Variants in CACNA2D3 observed in about 807,000 individuals in gnomAD.
CACNA2D3 encodes the protein calcium voltage-gated channel auxiliary subunit alpha2delta 3.
Under a neutral mutation model 160.6 loss-of-function variants are expected in CACNA2D3, and 60 were observed. The observed-to-expected ratio is 0.37, with a 90% CI of 0.30 to 0.46. The LOEUF (loss-of-function observed/expected upper bound fraction) is 0.46. Among genes scored for constraint, CACNA2D3 ranks in the 20% least tolerant of loss-of-function variants. The probability of loss-of-function intolerance (pLI) is 1.00; values close to 1 mark genes in which losing one functional copy is unlikely to be tolerated. For synonymous variants in CACNA2D3, 558 were observed against 492.9 expected (o/e 1.13, Z -1.75); for missense variants, 1,205 against 1,365.0 (o/e 0.88, Z 1.85).
intron 2 of CACNA2D3, among the ~76,000 whole-genome samples, chr3:54,179,774 G>A (rs1451651855): frequency 6.6e-6 from 1 of 152,166 alleles, no homozygotes; most frequent in Non-Finnish European, 1.5e-5. Flanking sequence ...TGAGAAGGTG[G>A]CTATCTACAA....
intron 27 of CACNA2D3, among the ~76,000 whole-genome samples, chr3:54,925,388 T>C (rs771164784): frequency 3.3e-5 from 5 of 152,130 alleles, no homozygotes; most frequent in Non-Finnish European, 5.9e-5. Context: ...CTGGTCAGAG[T>C]ACATCCCCAG....
At chr3:54,284,964 C>T (rs561022052) in intron 2 of CACNA2D3, among the ~76,000 whole-genome samples, 30 of 152,184 alleles carry the variant, frequency 2.0e-4, no homozygotes, top group Admixed American at 2.0e-4. Flanking sequence ...CGAAGATGGC[C>T]GAATAGGAAC....
At chr3:54,448,650 T>G (rs981590245) in intron 4 of CACNA2D3, among the ~76,000 whole-genome samples, 4 of 152,186 alleles carry the variant, frequency 2.6e-5, no homozygotes, top group African/African-American at 9.7e-5. Context: ...CATGTTCTCA[T>G]TAGTGTCCTA....
chr3:54,542,854 A>G (rs1702002766), intron 5 of CACNA2D3, among the ~76,000 whole-genome samples: 1 of 152,186 alleles, frequency 6.6e-6, no homozygotes, highest in African/African-American at 2.4e-5. Flanking sequence ...TTGACACTCA[A>G]TATTAAGGAA....
chr3:54,382,926 C>T (rs1699127919), intron 3 of CACNA2D3, among the ~76,000 whole-genome samples: 1 of 152,180 alleles, frequency 6.6e-6, no homozygotes, highest in African/African-American at 2.4e-5. Flanking sequence ...TGGCTCACTG[C>T]AGCCTCTGCC....
intron 11 of CACNA2D3, among the ~76,000 whole-genome samples, chr3:54,733,600 T>C (rs1701436050): frequency 6.6e-6 from 1 of 152,170 alleles, no homozygotes; most frequent in African/African-American, 2.4e-5. Context: ...TCACATTCAT[T>C]TACAGAGAGA....
At chr3:54,880,965 G>T in intron 21 of CACNA2D3, 102 bp downstream of exon 21, 1 of 940,162 alleles carries the variant, frequency 1.1e-6, no homozygotes, top group Non-Finnish European at 1.8e-6. Context: ...CCGCACCTGT[G>T]ACCAGTCCCT....
chr3:54,523,868 G>A (rs745624605), intron 5 of CACNA2D3, among the ~76,000 whole-genome samples: 9 of 151,714 alleles, frequency 5.9e-5, no homozygotes, highest in Non-Finnish European at 1.3e-4. Context: ...TTCAGATTCT[G>A]GTAATTTGAG....
rs151181900 is a variant in CACNA2D3, at chr3:54,443,508, A to G, written c.381+56734A>G. Among the ~76,000 whole-genome samples, 1,071 of 152,282 alleles carry G rather than the reference A, an allele frequency of 7.0e-3. 5 individuals are homozygous for G. Among genetic ancestry groups the G allele is most frequent in the Non-Finnish European group, 0.012 (797 of 68,014 alleles). On this transcript the variant is annotated intron_variant, in intron 4 of 37. Coordinates refer to ENST00000474759, the MANE Select transcript of CACNA2D3 (RefSeq NM_018398.3). ...GCTGTTAATTCTTTTGGGCTTCTTC[A>G]CTAGGAAGAATTAGAGAGTTGGCAG...
chr3:54,819,847 A>AC (rs1703547208), intron 14 of CACNA2D3, among the ~76,000 whole-genome samples: 1 of 152,150 alleles, frequency 6.6e-6, no homozygotes, highest in East Asian at 1.9e-4. Flanking sequence ...CCACCTCAAA[A>AC]AACACACACA....
chr3:54,934,600 C>T (rs1054554125), intron 27 of CACNA2D3, among the ~76,000 whole-genome samples: 1 of 152,122 alleles, frequency 6.6e-6, no homozygotes, highest in South Asian at 2.1e-4. Flanking sequence ...AGACAGTGGC[C>T]AAAATCTTTC....
At chr3:54,769,769 A>G (rs1702285668) in intron 13 of CACNA2D3, among the ~76,000 whole-genome samples, 1 of 152,326 alleles carries the variant, frequency 6.6e-6, no homozygotes, top group African/African-American at 2.4e-5. Context: ...TAGTAGCTAC[A>G]TGATTGTTAC....
intron 4 of CACNA2D3, among the ~76,000 whole-genome samples, chr3:54,462,627 G>A (rs939309052): frequency 6.6e-6 from 1 of 151,990 alleles, no homozygotes; most frequent in African/African-American, 2.4e-5. Flanking sequence ...CCATTTGCTT[G>A]GTAGATCTTC....
intron 27 of CACNA2D3, chr3:54,918,606 C>G: frequency 6.2e-7 from 1 of 1,614,168 alleles, no homozygotes; most frequent in Non-Finnish European, 8.5e-7. Context: ...GACACACAAT[C>G]CCACACACAA....
chr3:54,644,933 C>G (rs1699605347), intron 11 of CACNA2D3, among the ~76,000 whole-genome samples: 2 of 152,216 alleles, frequency 1.3e-5, no homozygotes, highest in South Asian at 4.1e-4. Flanking sequence ...CTCATTTCCT[C>G]AGTTGAATTC....
intron 17 of CACNA2D3, among the ~76,000 whole-genome samples, chr3:54,853,735 A>C (rs1320680021): frequency 6.6e-6 from 1 of 152,146 alleles, no homozygotes; most frequent in African/African-American, 2.4e-5. Flanking sequence ...TGAGATGCAG[A>C]AGGGCTTCCC....
At chr3:54,757,279 T>G (rs1280739770) in intron 12 of CACNA2D3, among the ~76,000 whole-genome samples, 1 of 152,182 alleles carries the variant, frequency 6.6e-6, no homozygotes, top group Non-Finnish European at 1.5e-5. Context: ...CCAATGGAAA[T>G]GCCACATGTG....
At chr3:54,236,349 A>G (rs1701875427) in intron 2 of CACNA2D3, among the ~76,000 whole-genome samples, 1 of 152,238 alleles carries the variant, frequency 6.6e-6, no homozygotes, top group African/African-American at 2.4e-5. Flanking sequence ...TGGTTGTGAC[A>G]AATACACCAA....
At chr3:54,454,254 C>T (rs533540166) in intron 4 of CACNA2D3, among the ~76,000 whole-genome samples, 157 of 152,212 alleles carry the variant, frequency 1.0e-3, no homozygotes, top group Non-Finnish European at 2.1e-3. Context: ...AATTCATACA[C>T]TTTAAGTGTA....
Sources: gnomAD v4.1 joint callset for allele counts (sites outside exome capture counted in the v4.1 genomes callset) on GRCh38, gnomAD v4.1.1 for gene constraint, MANE v1.5 for transcripts, NCBI Gene and HGNC (gene_info 2026-07-23, HGNC 2026-07-21) for gene names.